Variants in FAT3 observed in about 807,000 individuals in gnomAD.
The protein encoded by FAT3 is FAT atypical cadherin 3.
A neutral mutation model predicts 310.2 loss-of-function variants in FAT3; 95 were observed. The observed-to-expected ratio is 0.31, with a 90% CI of 0.26 to 0.36. FAT3 has a LOEUF of 0.36. FAT3 is among the 10% of genes least tolerant of loss of function. FAT3 has a pLI of 1.00. For synonymous variants in FAT3, 2,314 were observed against 2,192.9 expected (o/e 1.06, Z -1.54); for missense variants, 5,408 against 5,715.6 (o/e 0.95, Z 1.74).
intron 9 of FAT3, among the ~76,000 whole-genome samples, chr11:92,795,407 G>A (rs1036380770): frequency 6.6e-6 from 1 of 151,870 alleles, no homozygotes; most frequent in Non-Finnish European, 1.5e-5. Flanking sequence ...ATCTACAAGA[G>A]GCCATAGATT....
At chr11:92,442,094 T>TAC (rs1408401115) in intron 2 of FAT3, among the ~76,000 whole-genome samples, 2 of 47,816 alleles carry the variant, frequency 4.2e-5, no homozygotes, top group Non-Finnish European at 4.1e-5. Context: ...TATATATATA[T>TAC]ATATATATAT....
chr11:92,524,742 T>C lies in FAT3; in HGVS notation c.3401T>C (p.Val1134Ala), dbSNP rs1394303006. ...GTTCCACTCTACTCCACCATTGAGG[T>C]CTACATTGAAGTTGAAGATGTGAAT... is the stretch of plus-strand genomic sequence containing the variant. ...GVVPLYSTIE[V>A]YIEVEDVNDN... The change falls in exon 3 of 28, where the codon GTC (valine) becomes GCC (alanine). Residue 1134 changes from valine (V) to alanine (A), a missense_variant. Physicochemically the swap from Val to Ala is moderately conservative, Grantham distance 64. Coordinates refer to ENST00000525166, the MANE Select transcript of FAT3 (RefSeq NM_001367949.2). The C allele has an allele frequency of 1.2e-6, 2 of 1,613,788 alleles. No homozygotes were observed. Among genetic ancestry groups the C allele is most frequent in the Non-Finnish European group, 1.7e-6 (2 of 1,179,822 alleles).
intron 2 of FAT3, among the ~76,000 whole-genome samples, chr11:92,521,871 T>C (rs1018505960): frequency 1.3e-5 from 2 of 152,188 alleles, no homozygotes; most frequent in Admixed American, 6.5e-5. Context: ...TTCTAGAGTC[T>C]TTGGTCTTCC....
chr11:92,831,367 G>A (rs1486110498), intron 13 of FAT3, among the ~76,000 whole-genome samples: 3 of 152,128 alleles, frequency 2.0e-5, no homozygotes, highest in Non-Finnish European at 4.4e-5. Flanking sequence ...TGTGGGGGGC[G>A]AGTTGTATAT....
At chr11:92,327,288 C>G (rs574740128) in intron 1 of FAT3, among the ~76,000 whole-genome samples, 1 of 151,470 alleles carries the variant, frequency 6.6e-6, no homozygotes, top group African/African-American at 2.4e-5. Context: ...TCAGAGAATT[C>G]AAGTTCTTTA....
chr11:92,501,976 T>C (rs1175922083), intron 2 of FAT3, among the ~76,000 whole-genome samples: 3 of 151,720 alleles, frequency 2.0e-5, no homozygotes, highest in Non-Finnish European at 4.4e-5. Flanking sequence ...CACGCGCGCG[T>C]GTGTGTGTAT....
intron 2 of FAT3, among the ~76,000 whole-genome samples, chr11:92,492,951 AAG>A (rs1451465110): frequency 6.6e-6 from 1 of 152,110 alleles, no homozygotes; most frequent in Non-Finnish European, 1.5e-5. Flanking sequence ...AGGTGAAAAT[AAG>A]AGGAGTTAAC....
intron 4 of FAT3, among the ~76,000 whole-genome samples, chr11:92,708,240 T>C (rs1318191473): frequency 6.6e-6 from 1 of 152,216 alleles, no homozygotes; most frequent in Non-Finnish European, 1.5e-5. Flanking sequence ...GTTTAATTTT[T>C]GGGAGTGTAG....
chr11:92,768,261 C>A (rs7115595), intron 6 of FAT3, among the ~76,000 whole-genome samples: 123 of 152,334 alleles, frequency 8.1e-4, no homozygotes, highest in African/African-American at 2.8e-3. Flanking sequence ...AATCAGGTAA[C>A]ATCTAGCCAA....
intron 3 of FAT3, among the ~76,000 whole-genome samples, chr11:92,538,359 G>A (rs999932320): frequency 1.2e-4 from 18 of 152,130 alleles, no homozygotes; most frequent in Middle Eastern, 6.8e-3. Flanking sequence ...CTACCCATAA[G>A]GCAATAGCCA....
intron 5 of FAT3, among the ~76,000 whole-genome samples, chr11:92,763,086 G>C (rs1946202494): frequency 6.6e-6 from 1 of 151,724 alleles, no homozygotes. Flanking sequence ...TTGAACCCGG[G>C]AGGCAGAGGT....
At chr11:92,233,846 A>G (rs1864295818) in intron 1 of FAT3, among the ~76,000 whole-genome samples, 2 of 152,246 alleles carry the variant, frequency 1.3e-5, no homozygotes, top group African/African-American at 2.4e-5. Flanking sequence ...TTGTAAGTGT[A>G]ATAACTTGCA....
intron 1 of FAT3, among the ~76,000 whole-genome samples, chr11:92,318,738 T>C (rs939339289): frequency 6.6e-6 from 1 of 152,220 alleles, no homozygotes; most frequent in African/African-American, 2.4e-5. Flanking sequence ...TTTCCTGAAT[T>C]AACACAAACA....
At chr11:92,442,133 A>G (rs1951089687) in intron 2 of FAT3, among the ~76,000 whole-genome samples, 1 of 4,010 alleles carries the variant, frequency 2.5e-4, no homozygotes, top group Non-Finnish European at 5.4e-4. Context: ...TTTTTTTTTG[A>G]GATGGAGTCT....
intron 4 of FAT3, among the ~76,000 whole-genome samples, chr11:92,745,631 T>C (rs1174041831): frequency 1.3e-5 from 2 of 151,870 alleles, no homozygotes; most frequent in Non-Finnish European, 2.9e-5. Context: ...GGAAATACTT[T>C]ATTTCCTAAA....
chr11:92,291,134 T>G (rs1591062160), intron 1 of FAT3, among the ~76,000 whole-genome samples: 1 of 98,232 alleles, frequency 1.0e-5, no homozygotes, highest in Non-Finnish European at 2.4e-5. Flanking sequence ...CGCGCAGAAG[T>G]AGGTGGGTAT....
chr11:92,608,134 T>A (rs1210369473), intron 3 of FAT3, among the ~76,000 whole-genome samples: 2 of 152,198 alleles, frequency 1.3e-5, no homozygotes, highest in East Asian at 3.8e-4. Context: ...CACGGATAAG[T>A]GTAACAAGTT....
At chr11:92,871,279 A>G (rs954636367) in intron 22 of FAT3, among the ~76,000 whole-genome samples, 2 of 152,182 alleles carry the variant, frequency 1.3e-5, no homozygotes, top group Non-Finnish European at 2.9e-5. Context: ...GTGGGATTTG[A>G]CCCAGGTTTG....
intron 4 of FAT3, among the ~76,000 whole-genome samples, chr11:92,721,843 G>A (rs1944868894): frequency 6.6e-6 from 1 of 152,120 alleles, no homozygotes; most frequent in Admixed American, 6.5e-5. Context: ...GTGAGCTTGT[G>A]CAGGGAAACT....
Sources: gnomAD v4.1 joint callset for allele counts (sites outside exome capture counted in the v4.1 genomes callset) on GRCh38, gnomAD v4.1.1 for gene constraint, MANE v1.5 for transcripts, NCBI Gene and HGNC (gene_info 2026-07-23, HGNC 2026-07-21) for gene names.